NPR3: variants seen among roughly 807,000 people sequenced by gnomAD.
NPR3 encodes the protein atrial natriuretic peptide receptor 3.
NPR3 carries 34 observed loss-of-function variants against 54.5 expected under a neutral mutation model. The ratio of observed to expected loss-of-function variants is 0.62; its 90% CI spans 0.47 to 0.83. The LOEUF is 0.83. Ranked by LOEUF, NPR3 falls within the 40% of genes least tolerant of loss-of-function variation. The probability of loss-of-function intolerance (pLI) is 0.00; values close to 1 mark genes in which losing one functional copy is unlikely to be tolerated. For synonymous variants in NPR3, 289 were observed against 297.1 expected, an observed-to-expected ratio of 0.97 and a Z score of 0.28; for missense variants, 674 against 720.8, an observed-to-expected ratio of 0.94 and a Z score of 0.74.
intron 1 of NPR3, among the ~76,000 whole-genome samples, chr5:32,703,788 T>C (rs1737896514): frequency 6.6e-6 from 1 of 152,236 alleles, no homozygotes; most frequent in South Asian, 2.1e-4. Flanking sequence ...AAGGAGTCTC[T>C]TGTGGAGCTG....
At chr5:32,733,975 A>T (rs1042166139) in intron 2 of NPR3, among the ~76,000 whole-genome samples, 1 of 152,196 alleles carries the variant, frequency 6.6e-6, no homozygotes, top group Non-Finnish European at 1.5e-5. Context: ...GGGCATGTTA[A>T]TCTCCTTGAG....
chr5:32,770,728 T>G (rs998794264), intron 3 of NPR3, among the ~76,000 whole-genome samples: 1 of 152,242 alleles, frequency 6.6e-6, no homozygotes, highest in Non-Finnish European at 1.5e-5. Context: ...CATTGTTCTC[T>G]TCTCCCAGTT....
upstream of NPR3, among the ~76,000 whole-genome samples, chr5:32,707,034 A>G (rs905295720): frequency 9.2e-5 from 14 of 152,202 alleles, no homozygotes; most frequent in African/African-American, 3.4e-4. Flanking sequence ...TAACTTGTCT[A>G]TAAATCAATG....
At chr5:32,751,679 ATG>A (rs1242487541) in intron 3 of NPR3, among the ~76,000 whole-genome samples, 5 of 152,116 alleles carry the variant, frequency 3.3e-5, no homozygotes, top group Non-Finnish European at 5.9e-5. Flanking sequence ...GGGGGGTGGG[ATG>A]TGTGTTTGGG....
chr5:32,745,320 T>C (rs557710769), intron 3 of NPR3, among the ~76,000 whole-genome samples: 13 of 152,188 alleles, frequency 8.5e-5, no homozygotes, highest in Non-Finnish European at 1.9e-4. Context: ...GCTCTAGGTA[T>C]GGCTCAGACA....
At chr5:32,723,753 G>T (rs1430687298) in intron 1 of NPR3, among the ~76,000 whole-genome samples, 3 of 152,066 alleles carry the variant, frequency 2.0e-5, no homozygotes, top group East Asian at 1.9e-4. Context: ...TAAAGAACTG[G>T]TCTGTAAAAG....
chr5:32,721,845 C>T (rs571640329), intron 1 of NPR3, among the ~76,000 whole-genome samples: 2 of 152,292 alleles, frequency 1.3e-5, no homozygotes, highest in Admixed American at 1.3e-4. Flanking sequence ...GAGCATGGTG[C>T]TGGCATCTTG....
chr5:32,786,398 C>T lies in NPR3; in HGVS notation c.*53C>T, dbSNP rs1402402825. The T allele has an allele frequency of 2.3e-5, 17 of 742,622 alleles. No homozygotes were observed. The highest frequency in any genetic ancestry group is 1.9e-4 in the East Asian group (7 of 37,014). The allele number at this position is 742,622 out of a possible 1,614,324, so 46.0% of individuals were successfully genotyped here. A position where few individuals can be genotyped will look rare whatever the true frequency, so the allele number is the denominator to read the frequency against. Reference sequence around the variant, plus strand: ...GCCTGAGATTCTTTAAGGAGATAGACGGGTTGAAAGACATCAATGAAACAG... The same window carrying T: ...GCCTGAGATTCTTTAAGGAGATAGATGGGTTGAAAGACATCAATGAAACAG... On this transcript the variant is annotated 3_prime_UTR_variant, in exon 8 of 8. Coordinates refer to ENST00000265074, the MANE Select transcript of NPR3 (RefSeq NM_001204375.2).
chr5:32,693,120 CA>C (rs138049716), intron 1 of NPR3, among the ~76,000 whole-genome samples: 30,854 of 139,156 alleles, frequency 0.22, 3,361 homozygotes, highest in Middle Eastern at 0.36. Flanking sequence ...GACCCTGTCT[CA>C]AAAAAAAAAA....
chr5:32,758,803 G>T (rs1279496633), intron 3 of NPR3, among the ~76,000 whole-genome samples: 5 of 152,142 alleles, frequency 3.3e-5, no homozygotes, highest in African/African-American at 1.2e-4. Flanking sequence ...GGTATGTTGT[G>T]TCTTTGTTCT....
At chr5:32,708,524 T>G (rs1010009742), upstream of NPR3, among the ~76,000 whole-genome samples, 2 of 152,222 alleles carry the variant, frequency 1.3e-5, no homozygotes, top group Non-Finnish European at 2.9e-5. Context: ...TTTCACATGA[T>G]GTAACTGGTG....
chr5:32,736,522 C>G, intron 2 of NPR3, among the ~76,000 whole-genome samples: 1 of 152,144 alleles, frequency 6.6e-6, no homozygotes, highest in East Asian at 1.9e-4. Flanking sequence ...TCTACTGAGT[C>G]TTGATACTTT....
chr5:32,746,928 A>G (rs906803859), intron 3 of NPR3, among the ~76,000 whole-genome samples: 5 of 152,218 alleles, frequency 3.3e-5, no homozygotes, highest in African/African-American at 1.2e-4. Flanking sequence ...AAGTCAAAAT[A>G]ATACACAACT....
In NPR3 at chr5:32,789,257, T is replaced by C. The variant is rs1430206439; in HGVS notation, c.*2912T>C. ...GTGTTGGAAATAAGTGTCTGTCTTA[T>C]GGTCATCATTGTCTTCTTAGATTTT... On this transcript the variant is annotated 3_prime_UTR_variant, in exon 8 of 8. Coordinates refer to ENST00000265074, the MANE Select transcript of NPR3 (RefSeq NM_001204375.2). 1 of 404,014 alleles carries C rather than the reference T, an allele frequency of 2.5e-6. No individual in the cohort carries two copies. Among genetic ancestry groups the C allele is most frequent in the African/African-American group, 2.1e-5 (1 of 47,620 alleles). 25.0% of individuals were successfully genotyped at this position (404,014 alleles called of 1,614,324 possible).
At chr5:32,761,033 C>T (rs147265194) in intron 3 of NPR3, among the ~76,000 whole-genome samples, 1 of 151,812 alleles carries the variant, frequency 6.6e-6, no homozygotes, top group Admixed American at 6.6e-5. Context: ...TTTGTCTATT[C>T]TTACACCAGT....
intron 1 of NPR3, among the ~76,000 whole-genome samples, chr5:32,700,794 C>G (rs1038259972): frequency 6.6e-6 from 1 of 152,160 alleles, no homozygotes; most frequent in Non-Finnish European, 1.5e-5. Flanking sequence ...TCCAGTCTAT[C>G]ATTGATGGAC....
At chr5:32,714,515 T>A (rs1192959074) in intron 1 of NPR3, among the ~76,000 whole-genome samples, 1 of 152,028 alleles carries the variant, frequency 6.6e-6, no homozygotes, top group Non-Finnish European at 1.5e-5. Context: ...CTTTTTTTTT[T>A]TTTTTCCAAG....
chr5:32,710,514 C>A, upstream of NPR3: 1 of 866,838 alleles, frequency 1.2e-6, no homozygotes, highest in East Asian at 3.4e-5. Context: ...AGTGCGCTGA[C>A]AGAGGGTCCG....
upstream of NPR3, among the ~76,000 whole-genome samples, chr5:32,708,911 C>CT (rs550658964): frequency 0.011 from 1,507 of 139,040 alleles, 14 homozygotes; most frequent in African/African-American, 0.024. Flanking sequence ...ATAACACTGG[C>CT]TTTTTTTTTT....
Sources: allele counts gnomAD v4.1 joint callset (sites outside exome capture counted in the v4.1 genomes callset), GRCh38; gene constraint gnomAD v4.1.1; transcripts MANE v1.5; gene names NCBI Gene and HGNC (gene_info 2026-07-23, HGNC 2026-07-21).